CPXM2: variants seen among roughly 807,000 people sequenced by gnomAD.
The protein encoded by CPXM2 is carboxypeptidase X, M14 family member 2, also known as inactive carboxypeptidase-like protein X2.
Under a neutral mutation model 86.1 loss-of-function variants are expected in CPXM2, and 66 were observed. The observed-to-expected ratio is 0.77, with a 90% confidence interval of 0.63 to 0.94. The LOEUF is 0.94. Ranked by LOEUF, CPXM2 falls within the 40% of genes least tolerant of loss-of-function variation. CPXM2 has a pLI of 0.00. For synonymous variants in CPXM2, 388 were observed against 400.2 expected (o/e 0.97, Z 0.36); for missense variants, 948 against 1,026.3 (o/e 0.92, Z 1.04).
chr10:123,754,788 G>A lies in CPXM2; in HGVS notation c.1918-26C>T. ...CTGCTCAGCAAACATGAGACACAGG[G>A]TGAGGTCACCGACCAGCTCTGGACA... On this transcript the variant is annotated intron_variant, in intron 12 of 13. Transcript: ENST00000241305. The surrounding 1 kb of genome is among the most constrained non-coding windows in gnomAD (Gnocchi z 4.0). The A allele has an allele frequency of 7.4e-7, 1 of 1,358,242 alleles. No homozygotes were observed. The highest frequency in any genetic ancestry group is 1.1e-6 in the Non-Finnish European group (1 of 946,472). The allele number at this position is 1,358,242 out of a possible 1,614,324, so 84.1% of individuals were successfully genotyped here.
At chr10:123,852,663 T>C (rs1330161134) in intron 3 of CPXM2, among the ~76,000 whole-genome samples, 3 of 152,226 alleles carry the variant, frequency 2.0e-5, no homozygotes, top group Non-Finnish European at 4.4e-5. Context: ...CTATTACCTC[T>C]GGCTCATGTC....
At position 123,885,437 on chromosome 10, in the gene CPXM2, C is replaced by G. The variant is rs1945165442; in HGVS notation, c.305-5128G>C. Among the ~76,000 whole-genome samples, 1 of 152,150 alleles carries G rather than the reference C, an allele frequency of 6.6e-6. No homozygotes were observed. The highest frequency in any genetic ancestry group is 2.1e-4 in the South Asian group (1 of 4,828). ...GCAGAACCAGACTTTGACCTCAGCT[C>G]TCTCTTCATCCTGGAAAAACTCACC... On this transcript the variant is annotated intron_variant, in intron 1 of 13. Transcript: ENST00000241305. The surrounding 1 kb of genome is among the most constrained non-coding windows in gnomAD (Gnocchi z 4.0).
chr10:123,804,667 T>G (rs111376908), intron 4 of CPXM2, among the ~76,000 whole-genome samples: 231 of 152,202 alleles, frequency 1.5e-3, no homozygotes, highest in African/African-American at 5.3e-3. Flanking sequence ...TTTCCAGTCA[T>G]TAGGTCCTCT....
At chr10:123,853,873 C>T (rs890910588) in intron 3 of CPXM2, among the ~76,000 whole-genome samples, 2 of 152,102 alleles carry the variant, frequency 1.3e-5, no homozygotes, top group African/African-American at 2.4e-5. Flanking sequence ...CCACTGCACT[C>T]CAGCCTGGGC....
chr10:123,901,905 G>A (rs1174633675), intron 2 of CPXM2, among the ~76,000 whole-genome samples: 3 of 152,122 alleles, frequency 2.0e-5, no homozygotes, highest in Non-Finnish European at 2.9e-5. Context: ...GTCATCACTC[G>A]GAGGTAAGCG....
chr10:123,802,071 A>G (rs1847471041), intron 4 of CPXM2, among the ~76,000 whole-genome samples: 1 of 152,188 alleles, frequency 6.6e-6, no homozygotes, highest in African/African-American at 2.4e-5. Context: ...CACTTGGAGG[A>G]CAGAAAGGAT....
intron 4 of CPXM2, among the ~76,000 whole-genome samples, chr10:123,821,759 A>T (rs1181345243): frequency 2.6e-5 from 4 of 151,536 alleles, no homozygotes; most frequent in Admixed American, 1.3e-4. Flanking sequence ...GCTGCTAAAA[A>T]CCTCCTAAAA....
At chr10:123,762,792 A>C (rs1260361362) in intron 10 of CPXM2, among the ~76,000 whole-genome samples, 2 of 152,264 alleles carry the variant, frequency 1.3e-5, no homozygotes, top group Non-Finnish European at 2.9e-5. Context: ...CAGTGAAGCA[A>C]GTATTTATCA....
At chr10:123,752,743 G>T (rs1846107570) in intron 13 of CPXM2, 1 of 307,858 alleles carries the variant, frequency 3.2e-6, no homozygotes, top group African/African-American at 2.3e-5. Context: ...TCAAATCATA[G>T]CTCTGCCACT....
chr10:123,811,046 TTAAA>T (rs1847678861), intron 4 of CPXM2, among the ~76,000 whole-genome samples: 1 of 152,038 alleles, frequency 6.6e-6, no homozygotes, highest in Non-Finnish European at 1.5e-5. Flanking sequence ...AAATGAACTA[TTAAA>T]TAAATGATCT....
At chr10:123,830,870 CTCTGTGTG>C (rs1848151793) in intron 4 of CPXM2, among the ~76,000 whole-genome samples, 3 of 102,598 alleles carry the variant, frequency 2.9e-5, no homozygotes, top group South Asian at 3.1e-4. Flanking sequence ...CTCTCTCTCT[CTCTGTGTG>C]TGTGTGTGTG....
intron 8 of CPXM2, among the ~76,000 whole-genome samples, chr10:123,769,096 T>C (rs751853095): frequency 2.6e-5 from 4 of 152,188 alleles, no homozygotes; most frequent in African/African-American, 4.8e-5. Flanking sequence ...TAACTTCCTA[T>C]TAAGTTTAAC....
chr10:123,812,560 C>T (rs1847716061), intron 4 of CPXM2, among the ~76,000 whole-genome samples: 6 of 152,146 alleles, frequency 3.9e-5, no homozygotes, highest in Admixed American at 2.6e-4. Flanking sequence ...ATATTCTAGC[C>T]CCGGGGTCCC....
chr10:123,839,894 T>G (rs1395181639), intron 4 of CPXM2, among the ~76,000 whole-genome samples: 1 of 152,212 alleles, frequency 6.6e-6, no homozygotes, highest in African/African-American at 2.4e-5. Flanking sequence ...ATACATTTTT[T>G]AAAAGTAACT....
At chr10:123,778,470 T>G (rs1459202551) in intron 7 of CPXM2, among the ~76,000 whole-genome samples, 1 of 152,168 alleles carries the variant, frequency 6.6e-6, no homozygotes, top group Non-Finnish European at 1.5e-5. Flanking sequence ...GGTCTCCCAG[T>G]GTCACCCAAG....
At chr10:123,820,535 CT>C (rs1196802556) in intron 4 of CPXM2, among the ~76,000 whole-genome samples, 1 of 152,190 alleles carries the variant, frequency 6.6e-6, no homozygotes, top group Non-Finnish European at 1.5e-5. Context: ...TTCCCTATGA[CT>C]GCTGTAACAA....
At chr10:123,938,505 A>G (rs904126963) in intron 2 of CPXM2, among the ~76,000 whole-genome samples, 17 of 152,298 alleles carry the variant, frequency 1.1e-4, no homozygotes, top group Non-Finnish European at 2.4e-4. Context: ...TCTTTTTACT[A>G]GGAAGGGAAC....
chr10:123,773,653 C>G (rs1224171640), intron 7 of CPXM2, among the ~76,000 whole-genome samples: 1 of 152,142 alleles, frequency 6.6e-6, no homozygotes, highest in Non-Finnish European at 1.5e-5. Context: ...AGCACACAGC[C>G]AATAAGAGGC....
chr10:123,888,788 G>C (rs1945219904), intron 1 of CPXM2, among the ~76,000 whole-genome samples: 2 of 152,296 alleles, frequency 1.3e-5, no homozygotes, highest in South Asian at 4.1e-4. Flanking sequence ...CTCTAAAAAA[G>C]CCCCACAGAA....
Sources: gnomAD v4.1 joint callset for allele counts (sites outside exome capture counted in the v4.1 genomes callset) on GRCh38, gnomAD v4.1.1 for gene constraint, Gnocchi (gnomAD v3.1) non-coding constraint, MANE v1.5 for transcripts, NCBI Gene and HGNC (gene_info 2026-07-23, HGNC 2026-07-21) for gene names.